ALDH4A1: variants seen among roughly 807,000 people sequenced by gnomAD.
ALDH4A1 encodes the protein aldehyde dehydrogenase 4 family member A1, also known as delta-1-pyrroline-5-carboxylate dehydrogenase, mitochondrial.
ALDH4A1 carries 46 observed loss-of-function variants against 70.5 expected under a neutral mutation model. The observed-to-expected ratio is 0.65, with a 90% CI of 0.51 to 0.83. ALDH4A1 has a LOEUF of 0.83. Among genes scored for constraint, ALDH4A1 ranks in the 40% least tolerant of loss-of-function variants. ALDH4A1 has a pLI of 0.00. For synonymous variants in ALDH4A1, 323 were observed against 324.3 expected (o/e 1.00, Z 0.04); for missense variants, 749 against 766.5 (o/e 0.98, Z 0.27).
chr1:18,890,361 G>A (rs1935388683), intron 1 of ALDH4A1, among the ~76,000 whole-genome samples: 1 of 152,208 alleles, frequency 6.6e-6, no homozygotes, highest in South Asian at 2.1e-4. Context: ...GGCCAACACG[G>A]TGAAATCCCG....
chr1:18,885,190 C>T (rs1569762251), intron 5 of ALDH4A1: 1 of 493,174 alleles, frequency 2.0e-6, no homozygotes, highest in South Asian at 2.1e-5. Context: ...CAGGCCACCA[C>T]CAGTCCAGGC....
intron 5 of ALDH4A1, among the ~76,000 whole-genome samples, chr1:18,884,916 C>A (rs1935132055): frequency 6.6e-6 from 1 of 152,188 alleles, no homozygotes. Flanking sequence ...AGAGAGGATG[C>A]CTGCCATGGC....
At position 18,872,611 on chromosome 1, in the gene ALDH4A1, T is replaced by A; in HGVS notation, c.*234A>T. On this transcript the variant is annotated 3_prime_UTR_variant, in exon 15 of 15. Transcript: ENST00000375341. Reference sequence around the variant, plus strand: ...ACCTGCCAGGCACCAGGGTCATACCTCCCACATGGCCGATGGGATAAGGGG... The same window carrying A: ...ACCTGCCAGGCACCAGGGTCATACCACCCACATGGCCGATGGGATAAGGGG... 1 of 448,336 alleles carries A rather than the reference T, an allele frequency of 2.2e-6. No homozygotes were observed. The highest frequency in any genetic ancestry group is 4.0e-6 in the Non-Finnish European group (1 of 248,722). The allele number at this position is 448,336 out of a possible 1,614,324, so 27.8% of individuals were successfully genotyped here. A position where few individuals can be genotyped will look rare whatever the true frequency, so the allele number is the denominator to read the frequency against.
At chr1:18,895,679 G>T (rs1935593350) in intron 1 of ALDH4A1, among the ~76,000 whole-genome samples, 1 of 152,236 alleles carries the variant, frequency 6.6e-6, no homozygotes, top group Non-Finnish European at 1.5e-5. Flanking sequence ...TGTCAGGGTT[G>T]CAAGGAGCTG....
intron 1 of ALDH4A1, chr1:18,900,938 T>A (rs769941657): frequency 4.1e-6 from 4 of 981,196 alleles, no homozygotes; most frequent in Non-Finnish European, 4.8e-6. Flanking sequence ...CATGGGCTTA[T>A]CTTTTAGAAT....
At chr1:18,894,424 A>C (rs1281974370) in intron 1 of ALDH4A1, among the ~76,000 whole-genome samples, 3 of 152,178 alleles carry the variant, frequency 2.0e-5, no homozygotes, top group Admixed American at 6.5e-5. Context: ...GCGCCTATAC[A>C]CCCAGCTACT....
intron 8 of ALDH4A1, 108 bp downstream of exon 8, chr1:18,881,592 G>A: frequency 8.2e-7 from 1 of 1,215,290 alleles, no homozygotes. Context: ...TAAGGGAGTA[G>A]AGTCCGTGCA....
At chr1:18,889,132 C>T (rs540766468) in intron 3 of ALDH4A1, among the ~76,000 whole-genome samples, 9 of 152,336 alleles carry the variant, frequency 5.9e-5, no homozygotes. Context: ...GTGGCCCCCT[C>T]ATGGCCTTTC....
intron 9 of ALDH4A1, among the ~76,000 whole-genome samples, chr1:18,878,814 T>G (rs567320373): frequency 6.6e-6 from 1 of 152,232 alleles, no homozygotes; most frequent in South Asian, 2.1e-4. Flanking sequence ...GGGAAAACTT[T>G]AATATGCCAA....
chr1:18,890,789 G>A (rs1197050142), intron 1 of ALDH4A1: 4 of 985,444 alleles, frequency 4.1e-6, no homozygotes, highest in Non-Finnish European at 4.8e-6. Context: ...CCACAAGGCA[G>A]GCTTTATCCC....
At chr1:18,886,434 C>T in intron 4 of ALDH4A1, 30 bp downstream of exon 4, 2 of 1,613,600 alleles carry the variant, frequency 1.2e-6, no homozygotes, top group Non-Finnish European at 1.7e-6. Flanking sequence ...AACCCTAACC[C>T]CGGGTCACCA....
intron 9 of ALDH4A1, among the ~76,000 whole-genome samples, chr1:18,878,065 G>A (rs551785172): frequency 7.9e-5 from 12 of 152,078 alleles, no homozygotes; most frequent in African/African-American, 2.7e-4. Flanking sequence ...CTCCCCACGC[G>A]TGCTGGAAAC....
At chr1:18,874,416 C>A (rs1374980951) in intron 14 of ALDH4A1, 47 bp downstream of exon 14, 3 of 1,548,068 alleles carry the variant, frequency 1.9e-6, no homozygotes, top group Non-Finnish European at 2.7e-6. Context: ...CATCTAGGGT[C>A]TCCCACCAGG....
In ALDH4A1 at chr1:18,898,249, G is replaced by A. The variant is rs953644930; in HGVS notation, c.62+4213C>T. Among the ~76,000 whole-genome samples, 4 of 152,206 alleles carry A rather than the reference G, an allele frequency of 2.6e-5. No homozygotes were observed. Among genetic ancestry groups the A allele is most frequent in the Admixed American group, 1.3e-4 (2 of 15,282 alleles). On this transcript the variant is annotated intron_variant, in intron 1 of 14. Transcript: ENST00000375341. This position sits in a 1 kb window ranked among gnomAD's most constrained non-coding sequence, Gnocchi z 4.3. ...GAGGTGGGAGGATGACTGAGCCCAG[G>A]AGGTTGAGGCTGTAGTGAGCTGAGA...
Position 18,876,422 on chromosome 1 carries a change from G to C in ALDH4A1, c.1231C>G (p.Pro411Ala), listed in dbSNP as rs552705007. The C allele has an allele frequency of 1.2e-6, 2 of 1,610,736 alleles. No individual in the cohort carries two copies. Among genetic ancestry groups the C allele is most frequent in the Non-Finnish European group, 1.7e-6 (2 of 1,178,926 alleles). ...CCCCCGGCCAGGATGGTGAGGCTGGGTGAGGAGCGTGCGTGCTCCAGCCAC... is the reference window on the plus strand; with the variant it reads ...CCCCCGGCCAGGATGGTGAGGCTGGCTGAGGAGCGTGCGTGCTCCAGCCAC... ...KKWLEHARSS[P>A]SLTILAGGKC... is the part of the protein sequence containing the mutation. Residue 411 changes from proline (P) to alanine (A), a missense_variant, in exon 12 of 15, where the codon CCC becomes GCC. Pro to Ala is a conservative substitution (Grantham distance 27). Coordinates refer to ENST00000375341, the MANE Select transcript of ALDH4A1 (RefSeq NM_003748.4).
chr1:18,899,852 T>A (rs72936453), intron 1 of ALDH4A1, among the ~76,000 whole-genome samples: 16,675 of 152,266 alleles, frequency 0.11, 1,676 homozygotes, highest in African/African-American at 0.27. Flanking sequence ...CTCACATGAT[T>A]AGTTCATTCA....
Position 18,889,424 on chromosome 1 carries a change from C to T in ALDH4A1, c.187G>A (p.Ala63Thr). The change falls in exon 3 of 15, where the codon GCC (alanine) becomes ACC (threonine). Residue 63 changes from alanine to threonine, a missense_variant. Transcript: ENST00000375341. ...ALKDLKGRME[A>T]IPCVVGDEEV... Reference sequence around the variant, plus strand: ...TCATCCCCCACCACGCATGGGATGGCTTCCATCCGGCCCTTCAGGTCCTTC... The same window carrying T: ...TCATCCCCCACCACGCATGGGATGGTTTCCATCCGGCCCTTCAGGTCCTTC... 6.4e-7 allele frequency: 1 copy of T among 1,552,620 alleles called. No homozygotes were observed. The highest frequency in any genetic ancestry group is 1.2e-5 in the South Asian group (1 of 84,096).
intron 1 of ALDH4A1, among the ~76,000 whole-genome samples, chr1:18,895,109 A>G (rs906078604): frequency 1.3e-5 from 2 of 151,284 alleles, no homozygotes; most frequent in Non-Finnish European, 2.9e-5. Flanking sequence ...ATAACAGCTC[A>G]CTCAATTATT....
At position 18,885,568 on chromosome 1, in the gene ALDH4A1, G is replaced by A. The variant is rs768726119; in HGVS notation, c.358C>T (p.Pro120Ser). The change falls in exon 5 of 15, where the codon CCT becomes TCT. Residue 120 changes from proline to serine, a missense_variant. Transcript: ENST00000375341. Reference sequence around the variant, plus strand: ...AAGATCTGGGCCCGGTCTGCAATAGGCTTCAGGTCCCACTCTTTCCGGGCA... The same window carrying A: ...AAGATCTGGGCCCGGTCTGCAATAGACTTCAGGTCCCACTCTTTCCGGGCA... The part of the protein sequence containing the change: ...LAARKEWDLK[P>S]IADRAQIFLK... 1 of 1,613,590 alleles carries A rather than the reference G, an allele frequency of 6.2e-7. No homozygotes were observed. Among genetic ancestry groups the A allele is most frequent in the Non-Finnish European group, 8.5e-7 (1 of 1,179,878 alleles).
Sources: allele counts gnomAD v4.1 joint callset (sites outside exome capture counted in the v4.1 genomes callset), GRCh38; gene constraint gnomAD v4.1.1; non-coding constraint Gnocchi (gnomAD v3.1); transcripts MANE v1.5; gene names NCBI Gene and HGNC (gene_info 2026-07-23, HGNC 2026-07-21).